Variants in NPAS1 observed in about 807,000 individuals in gnomAD.
The protein encoded by NPAS1 is neuronal PAS domain-containing protein 1.
In NPAS1, 29 loss-of-function variants were observed where a neutral mutation model predicts 49.2. The ratio of observed to expected loss-of-function variants is 0.59; its 90% confidence interval spans 0.44 to 0.80. The LOEUF (loss-of-function observed/expected upper bound fraction) is 0.80. NPAS1 is among the 30% of genes least tolerant of loss of function. The pLI, the probability that NPAS1 is intolerant of heterozygous loss-of-function variation, is 0.00. For missense variants in NPAS1, 825 were observed against 835.5 expected, an observed-to-expected ratio of 0.99 and a Z score of 0.15; for synonymous variants, 408 against 380.4, an observed-to-expected ratio of 1.07 and a Z score of -0.84.
In NPAS1 at chr19:47,032,262, C is replaced by T; in HGVS notation, c.359-16C>T. 6.2e-7 allele frequency: 1 copy of T among 1,612,668 alleles called. No homozygotes were observed. Among genetic ancestry groups the T allele is most frequent in the East Asian group, 2.2e-5 (1 of 44,870 alleles). On this transcript the variant is annotated splice_polypyrimidine_tract_variant and intron_variant, in intron 3 of 11. Transcript: ENST00000602212. ...GTCAGCCAGACTAACAGGCTTCATC[C>T]TTCCATCTGCCCCAGCCCCAGGCCG...
chr19:47,036,510 G>C (rs976468453), intron 6 of NPAS1, among the ~76,000 whole-genome samples: 3 of 152,178 alleles, frequency 2.0e-5, no homozygotes, highest in Non-Finnish European at 4.4e-5. Context: ...GGAGGCCCAG[G>C]GGGGCGGATC....
intron 10 of NPAS1, 84 bp downstream of exon 10, chr19:47,041,209 G>A (rs2057018224): frequency 7.4e-7 from 1 of 1,360,234 alleles, no homozygotes; most frequent in South Asian, 1.5e-5. Flanking sequence ...TTTGGGGAGG[G>A]CTTCTAGAAT....
In NPAS1 at chr19:47,021,354, C is replaced by A. The variant is rs576573408; in HGVS notation, c.122+185C>A. On this transcript the variant is annotated intron_variant, in intron 2 of 11. Transcript: ENST00000602212. The surrounding 1 kb of genome is among the most constrained non-coding windows in gnomAD (Gnocchi z 5.7). ...GTCCCCTGCGTTCTGCTTCTAGTCC[C>A]GGTCCTCAGAATTCACGCCCAACAT... Among the ~76,000 whole-genome samples, 1 of 152,246 alleles carries A rather than the reference C, an allele frequency of 6.6e-6. No homozygotes were observed. Among genetic ancestry groups the A allele is most frequent in the Non-Finnish European group, 1.5e-5 (1 of 68,042 alleles).
rs559134531 is a variant in NPAS1, at chr19:47,044,012, G to C, written c.1312+1108G>C. Among the ~76,000 whole-genome samples the C allele has an allele frequency of 3.9e-5, 6 of 152,244 alleles. No individual in the cohort carries two copies. In the East Asian group the frequency reaches 1.2e-3, roughly 29 times the overall value. On this transcript the variant is annotated intron_variant, in intron 11 of 11. Coordinates refer to ENST00000602212, the MANE Select transcript of NPAS1 (RefSeq NM_002517.4). ...GCCCGGGAGTTAGAGGCTGCAGTGC[G>C]CTGTGACAGCTGTACTGCACTCCAG...
intron 3 of NPAS1, among the ~76,000 whole-genome samples, chr19:47,031,804 C>G (rs1433029493): frequency 7.0e-6 from 1 of 143,290 alleles, no homozygotes; most frequent in African/African-American, 2.6e-5. Context: ...GCTGGGATTA[C>G]AGGTGTGAGC....
At chr19:47,039,960 A>G (rs994942390) in intron 8 of NPAS1, among the ~76,000 whole-genome samples, 12 of 152,120 alleles carry the variant, frequency 7.9e-5, no homozygotes, top group Non-Finnish European at 1.5e-4. Flanking sequence ...CAGGGTGCCT[A>G]GGGCCTTGCC....
chr19:47,041,821 A>T (rs77610969), intron 10 of NPAS1, among the ~76,000 whole-genome samples: 34,809 of 150,886 alleles, frequency 0.23, 4,670 homozygotes, highest in South Asian at 0.39. Context: ...TTAAAAAAAA[A>T]TTTTTTTAAT....
chr19:47,028,902 C>T (rs1448569481), intron 3 of NPAS1, among the ~76,000 whole-genome samples: 3 of 152,112 alleles, frequency 2.0e-5, no homozygotes, highest in Admixed American at 6.5e-5. Flanking sequence ...AGGTCTCTGC[C>T]TACCCCCAGC....
At chr19:47,026,396 G>A (rs959356632) in intron 3 of NPAS1, among the ~76,000 whole-genome samples, 4 of 152,194 alleles carry the variant, frequency 2.6e-5, no homozygotes, top group African/African-American at 9.7e-5. Flanking sequence ...ACTGTGGTAG[G>A]GGTTTGGCTG....
intron 10 of NPAS1, among the ~76,000 whole-genome samples, chr19:47,041,979 CAAAAAA>C (rs369320245): frequency 2.6e-4 from 25 of 96,120 alleles, no homozygotes; most frequent in African/African-American, 8.8e-4. Flanking sequence ...GACCCTGTCT[CAAAAAA>C]AAAAAAAAAA....
intron 3 of NPAS1, among the ~76,000 whole-genome samples, chr19:47,024,857 T>G (rs571068094): frequency 1.4e-4 from 21 of 149,520 alleles, no homozygotes; most frequent in African/African-American, 5.1e-4. Context: ...TTGCCCAGGC[T>G]GGAGTGCAGT....
chr19:47,037,213 G>A (rs1180201996), intron 6 of NPAS1, among the ~76,000 whole-genome samples: 8 of 151,328 alleles, frequency 5.3e-5, no homozygotes, highest in Admixed American at 2.6e-4. Flanking sequence ...TTAGCCGGGC[G>A]TGGTGCAGGT....
At position 47,045,565 on chromosome 19, in the gene NPAS1, C is replaced by T. The variant is rs1299852634; in HGVS notation, c.1687C>T (p.Pro563Ser). ...GCACCTGCAGAGGCTGGGTCCGGGC[C>T]CCGCGCTCCCGGAGGCCTTTTACCC... ...YPHLQRLGPG[P>S]ALPEAFYPPL... Residue 563 changes from proline (P) to serine (S), a missense_variant, in exon 12 of 12, where the codon CCC (proline) becomes TCC (serine). Pro to Ser is a moderately conservative substitution (Grantham distance 74, BLOSUM62 -1). Transcript: ENST00000602212. 6 of 1,500,242 alleles carry T rather than the reference C, an allele frequency of 4.0e-6. No individual in the cohort carries two copies. The South Asian group carries it at 6.3e-5, about 16-fold the overall frequency. The allele number at this position is 1,500,242 out of a possible 1,614,324, so 92.9% of individuals were successfully genotyped here.
rs555310152 is a variant in NPAS1 at position 47,026,725 on chromosome 19, C to T, written c.358+4878C>T. Among the ~76,000 whole-genome samples the T allele has an allele frequency of 3.3e-5, 5 of 152,252 alleles. No individual in the cohort carries two copies. In the South Asian group the frequency reaches 1.0e-3, roughly 32 times the overall value. Reference sequence around the variant, plus strand: ...ATCCCAGCACTTTGTGAGGCCGAGGCAGGTGGATCACCTGAGGTCAGGAGT... The same window carrying T: ...ATCCCAGCACTTTGTGAGGCCGAGGTAGGTGGATCACCTGAGGTCAGGAGT... On this transcript the variant is annotated intron_variant, in intron 3 of 11. Transcript: ENST00000602212.
chr19:47,036,093 T>C lies in NPAS1; in HGVS notation c.652T>C (p.Ser218Pro). ...CCCGCCCTCCGTCTCCTCTTCCTCC[T>C]CCTCTTCCTCTTCGCTTGCAGATAC... ...PTPPSVSSSSSSSSSLADTPE... is the reference protein window; with the variant it reads ...PTPPSVSSSSPSSSSLADTPE... The change falls in exon 6 of 12, where the codon TCC becomes CCC. Residue 218 changes from serine (S) to proline (P), a missense_variant. Coordinates refer to ENST00000602212, the MANE Select transcript of NPAS1 (RefSeq NM_002517.4). The C allele has an allele frequency of 6.3e-7, 1 of 1,577,844 alleles. No individual in the cohort carries two copies. The highest frequency in any genetic ancestry group is 8.6e-7 in the Non-Finnish European group (1 of 1,162,102).
At chr19:47,037,338 CAAAAAAAAAAAAA>C (rs869125845) in intron 6 of NPAS1, among the ~76,000 whole-genome samples, 135 of 51,792 alleles carry the variant, frequency 2.6e-3, no homozygotes, top group African/African-American at 0.01. Flanking sequence ...ACTCCGTCTC[CAAAAAAAAAAAAA>C]AAAAAAAAAA....
chr19:47,045,166 G>A, intron 11 of NPAS1, 25 bp from the exon 12 acceptor site: 1 of 1,605,900 alleles, frequency 6.2e-7, no homozygotes, highest in Non-Finnish European at 8.5e-7. Flanking sequence ...GACACACACA[G>A]GCCCTCAGCA....
chr19:47,035,081 C>T (rs1172872771), intron 5 of NPAS1, among the ~76,000 whole-genome samples: 4 of 148,814 alleles, frequency 2.7e-5, no homozygotes, highest in African/African-American at 1.0e-4. Flanking sequence ...CTTGGGAGGC[C>T]GAGGCGGGAG....
chr19:47,032,307 G>A lies in NPAS1; in HGVS notation c.388G>A (p.Val130Ile), dbSNP rs558643878. 104 of 1,614,020 alleles carry A rather than the reference G, an allele frequency of 6.4e-5. 1 individual carries two copies. Among genetic ancestry groups the A allele is most frequent in the South Asian group, 6.4e-4 (58 of 91,082 alleles). ...APGRRGPAAL[V>I]SEVFEQHLGG... ...AGGCCGCCGCGGCCCCGCAGCGCTG[G>A]TCTCCGAAGTCTTCGAGCAGCACCT... Residue 130 changes from valine (V) to isoleucine (I), a missense_variant, in exon 4 of 12, where the codon GTC becomes ATC. Val to Ile is a conservative substitution (Grantham distance 29, BLOSUM62 3). Transcript: ENST00000602212.
Sources: allele counts gnomAD v4.1 joint callset (sites outside exome capture counted in the v4.1 genomes callset), GRCh38; gene constraint gnomAD v4.1.1; non-coding constraint Gnocchi (gnomAD v3.1); transcripts MANE v1.5; gene names NCBI Gene and HGNC (gene_info 2026-07-23, HGNC 2026-07-21).